Variants in LDHAL6A observed in about 807,000 individuals in gnomAD.
LDHAL6A encodes L-lactate dehydrogenase A-like 6A.
A neutral mutation model predicts 28.2 loss-of-function variants in LDHAL6A; 19 were observed. The ratio of observed to expected loss-of-function variants is 0.67; its 90% CI spans 0.47 to 0.99. The LOEUF is 0.99. Among genes scored for constraint, LDHAL6A ranks in the 50% least tolerant of loss-of-function variants. The pLI, the probability that LDHAL6A is intolerant of heterozygous loss-of-function variation, is 0.00. For missense variants in LDHAL6A, 372 were observed against 398.6 expected (o/e 0.93, Z 0.57); for synonymous variants, 144 against 134.4 (o/e 1.07, Z -0.49).
chr11:18,456,196 C>A lies in LDHAL6A; in HGVS notation c.-485C>A. The A allele has an allele frequency of 6.2e-6, 1 of 161,428 alleles. No homozygotes were observed. The highest frequency in any genetic ancestry group is 1.3e-5 in the Non-Finnish European group (1 of 74,648). 10.0% of individuals were successfully genotyped at this position (161,428 alleles called of 1,614,324 possible). On this transcript the variant is annotated 5_prime_UTR_variant, in exon 1 of 7. Coordinates refer to ENST00000280706, the MANE Select transcript of LDHAL6A (RefSeq NM_144972.5). ...TGTGTCTCCGCCAGGCGGCATGTGA[C>A]CTGCTCGGGCGCGGGTGGCCCTTCA...
In LDHAL6A at chr11:18,465,622, C is replaced by G. The variant is rs202009173; in HGVS notation, c.245-15C>G. 7.0e-5 allele frequency: 112 copies of G among 1,602,788 alleles called. No homozygotes were observed. Among genetic ancestry groups the G allele is most frequent in the Non-Finnish European group, 9.5e-5 (111 of 1,173,538 alleles). ...TTTCTTTCATAATCGATTGTTTATTCTAATCTTTCCTCAGATTACCTGGTC... is the reference window on the plus strand; with the variant it reads ...TTTCTTTCATAATCGATTGTTTATTGTAATCTTTCCTCAGATTACCTGGTC... On this transcript the variant is annotated splice_polypyrimidine_tract_variant and intron_variant, in intron 2 of 6. Coordinates refer to ENST00000280706, the MANE Select transcript of LDHAL6A (RefSeq NM_144972.5).
chr11:18,478,476 C>T (rs927572014), intron 6 of LDHAL6A, among the ~76,000 whole-genome samples: 7 of 151,970 alleles, frequency 4.6e-5, no homozygotes, highest in African/African-American at 1.2e-4. Context: ...GGGAGAATGG[C>T]GTGAACCCGG....
rs1187161840 is a variant in LDHAL6A at position 18,465,766 on chromosome 11, C to T, written c.374C>T (p.Thr125Ile). The change falls in exon 3 of 7, where the codon ACC becomes ATC. Residue 125 changes from threonine (T) to isoleucine (I), a missense_variant. By Grantham distance (89) the Thr-to-Ile change is moderately conservative. Around this residue, in one of 3 missense-constraint regions of LDHAL6A, gnomAD observed 291 missense variants for 302.9 expected, o/e 0.96. Coordinates refer to ENST00000280706, the MANE Select transcript of LDHAL6A (RefSeq NM_144972.5). ...TTTAAATTAATGATTCCCAATATTA[C>T]CCAGTACAGTCCTCACTGCAAACTG... is the stretch of plus-strand genomic sequence containing the variant. ...SIFKLMIPNI[T>I]QYSPHCKLLI... is the part of the protein sequence containing the mutation. The T allele has an allele frequency of 6.2e-7, 1 of 1,613,584 alleles. No homozygotes were observed.
intron 1 of LDHAL6A, 46 bp downstream of exon 1, chr11:18,456,852 G>C: frequency 4.4e-6 from 7 of 1,585,568 alleles, no homozygotes; most frequent in Non-Finnish European, 6.0e-6. Flanking sequence ...AGTTGGAGGC[G>C]AGGCCACAGC....
At chr11:18,461,152 G>GT (rs34501848) in intron 1 of LDHAL6A, among the ~76,000 whole-genome samples, 5,522 of 143,514 alleles carry the variant, frequency 0.038, 242 homozygotes, top group African/African-American at 0.11. Context: ...TCATTTACTT[G>GT]TTTTTTTTTT....
At chr11:18,478,065 T>C (rs1463384828) in intron 6 of LDHAL6A, among the ~76,000 whole-genome samples, 1 of 152,216 alleles carries the variant, frequency 6.6e-6, no homozygotes, top group East Asian at 1.9e-4. Context: ...TTTGGAGTTG[T>C]TCTCTTACAG....
At chr11:18,470,991 T>A (rs1849244045) in intron 3 of LDHAL6A, among the ~76,000 whole-genome samples, 1 of 151,960 alleles carries the variant, frequency 6.6e-6, no homozygotes, top group African/African-American at 2.4e-5. Context: ...CTGGCCACAT[T>A]TCAACAGTGT....
Position 18,456,823 on chromosome 11 carries a change from G to T in LDHAL6A, c.126+17G>T. On this transcript the variant is annotated intron_variant, in intron 1 of 6. Transcript: ENST00000280706. ...TTATTAAAAGTAAGTTGTGTGCTCT[G>T]CACCACAGGGTTCACCTCAGTTGGA... 1 of 1,608,558 alleles carries T rather than the reference G, an allele frequency of 6.2e-7. No individual in the cohort carries two copies. Among genetic ancestry groups the T allele is most frequent in the South Asian group, 1.1e-5 (1 of 90,128 alleles).
rs1297582365 is a variant in LDHAL6A at position 18,467,912 on chromosome 11, TATATATAC to T, written c.418+2104_418+2111del. ...ATATATATATATATATATATATATATATATATACACACACATATATATATACACACACA... is the reference window on the plus strand; with the variant it reads ...ATATATATATATATATATATATATATACACACATATATATATACACACACA... On this transcript the variant is annotated intron_variant, in intron 3 of 6. Transcript: ENST00000280706. 7.1e-3 allele frequency among the ~76,000 whole-genome samples: 479 copies of T among 67,700 alleles called. 25 individuals are homozygous for T. Among genetic ancestry groups the T allele is most frequent in the African/African-American group, 0.015 (207 of 13,976 alleles). The allele number at this position is 67,700 out of a possible 152,430, so 44.4% of individuals were successfully genotyped here.
At chr11:18,468,062 C>CAT (rs148813517) in intron 3 of LDHAL6A, among the ~76,000 whole-genome samples, 5,739 of 30,706 alleles carry the variant, frequency 0.19, 1,317 homozygotes, top group African/African-American at 0.47. Flanking sequence ...TATATATATA[C>CAT]ATATATATAT....
intron 3 of LDHAL6A, among the ~76,000 whole-genome samples, chr11:18,468,069 A>G (rs1434182388): frequency 1.7e-5 from 2 of 119,676 alleles, no homozygotes; most frequent in Admixed American, 9.4e-5. Flanking sequence ...ATACATATAT[A>G]TATATATATT....
In LDHAL6A at chr11:18,478,948, T is replaced by G. The variant is rs1419063633; in HGVS notation, c.*78T>G. ...TGTATATGTCAAACTTTTGAATAAA[T>G]TTGAATTTCTAAAAGTTGGAAAAAT... On this transcript the variant is annotated 3_prime_UTR_variant, in exon 7 of 7. Coordinates refer to ENST00000280706, the MANE Select transcript of LDHAL6A (RefSeq NM_144972.5). The G allele has an allele frequency of 8.0e-7, 1 of 1,247,946 alleles. No individual in the cohort carries two copies. Among genetic ancestry groups the G allele is most frequent in the Non-Finnish European group, 1.1e-6 (1 of 897,360 alleles). The allele number at this position is 1,247,946 out of a possible 1,614,324, so 77.3% of individuals were successfully genotyped here. A position where few individuals can be genotyped will look rare whatever the true frequency, so the allele number is the denominator to read the frequency against.
intron 2 of LDHAL6A, 124 bp from the exon 3 acceptor site, chr11:18,465,513 C>T: frequency 1.6e-6 from 1 of 619,512 alleles, no homozygotes. Context: ...TCTAGGCATA[C>T]TAGAAGATTT....
chr11:18,470,806 C>T (rs1163259600), intron 3 of LDHAL6A, among the ~76,000 whole-genome samples: 1 of 151,880 alleles, frequency 6.6e-6, no homozygotes, highest in Non-Finnish European at 1.5e-5. Context: ...CCTGCCTCAG[C>T]CTCCCAAGTA....
chr11:18,469,939 A>AT (rs1452257248), intron 3 of LDHAL6A, among the ~76,000 whole-genome samples: 1 of 151,884 alleles, frequency 6.6e-6, no homozygotes, highest in Non-Finnish European at 1.5e-5. Flanking sequence ...AATTTTATTT[A>AT]TTTTTTTGAG....
intron 1 of LDHAL6A, among the ~76,000 whole-genome samples, chr11:18,460,102 C>T (rs1373682494): frequency 1.3e-5 from 2 of 152,104 alleles, no homozygotes. Context: ...AAATGTAAAG[C>T]GCTTGGCTTT....
intron 3 of LDHAL6A, among the ~76,000 whole-genome samples, chr11:18,472,775 A>T (rs908914962): frequency 1.3e-5 from 2 of 152,248 alleles, no homozygotes; most frequent in African/African-American, 4.8e-5. Context: ...AGATTTTTCA[A>T]ATAAGAGTTG....
intron 3 of LDHAL6A, among the ~76,000 whole-genome samples, chr11:18,468,049 GTATATATATATACATATA>G (rs1849162242): frequency 3.6e-4 from 4 of 11,214 alleles, no homozygotes; most frequent in Admixed American, 3.6e-3. Flanking sequence ...ATATATATAC[GTATATATATATACATATA>G]TATATATATA....
chr11:18,476,054 C>T (rs2133891010), intron 4 of LDHAL6A, among the ~76,000 whole-genome samples: 1 of 152,134 alleles, frequency 6.6e-6, no homozygotes, highest in Admixed American at 6.5e-5. Flanking sequence ...CTTTTTGTCC[C>T]CCCTTAGTGT....
Sources: allele counts gnomAD v4.1 joint callset (sites outside exome capture counted in the v4.1 genomes callset), GRCh38; gene constraint gnomAD v4.1.1; regional missense constraint gnomAD v4.1.1; transcripts MANE v1.5; gene names NCBI Gene and HGNC (gene_info 2026-07-23, HGNC 2026-07-21).